The following TNPO2 variants were observed in gnomAD, a reference collection of about 807,000 sequenced individuals.
TNPO2 encodes transportin 2, also known as transportin-2.
TNPO2 carries 16 observed loss-of-function variants against 111.1 expected under a neutral mutation model. That is an observed-to-expected ratio of 0.14 (90% CI 0.10 to 0.22). The LOEUF (loss-of-function observed/expected upper bound fraction) is 0.22. TNPO2 is among the 10% of genes least tolerant of loss of function. The pLI is 1.00. For synonymous variants in TNPO2, 481 were observed against 475.8 expected (o/e 1.01, Z -0.14); for missense variants, 530 against 1,173.7 (o/e 0.45, Z 8.01).
rs1263721214 is a variant in TNPO2 at position 12,721,121 on chromosome 19, C to A, written c.-13-131G>T. ...CGGCGGACAGGCGGAGGCCTCCGAT[C>A]CACGCCCGCCCAAGTGCGGGGTCCC... On this transcript the variant is annotated intron_variant, in intron 2 of 25. Transcript: ENST00000425528. This position sits in a 1 kb window ranked among gnomAD's most constrained non-coding sequence, Gnocchi z 4.9. 3 of 1,492,454 alleles carry A rather than the reference C, an allele frequency of 2.0e-6. No homozygotes were observed. In the Admixed American group the frequency reaches 6.8e-5, roughly 34 times the overall value. 92.5% of individuals were successfully genotyped at this position (1,492,454 alleles called of 1,614,324 possible).
Position 12,705,658 on chromosome 19 carries a change from G to T in TNPO2, c.1755+24C>A. 1 of 1,557,400 alleles carries T rather than the reference G, an allele frequency of 6.4e-7. No homozygotes were observed. Among genetic ancestry groups the T allele is most frequent in the Non-Finnish European group, 8.7e-7 (1 of 1,148,116 alleles). On this transcript the variant is annotated intron_variant, in intron 16 of 25. Transcript: ENST00000425528. This position sits in a 1 kb window ranked among gnomAD's most constrained non-coding sequence, Gnocchi z 7.2. ...GGCAGGGTGGGCAGGATGGGTTTCG[G>T]GTGAGGGGCAGGAGCCCACTCACCT...
chr19:12,705,626 G>GAACTC lies in TNPO2; in HGVS notation c.1756-32_1756-28dup. 2.5e-6 allele frequency: 4 copies of GAACTC among 1,581,264 alleles called. No homozygotes were observed. The highest frequency in any genetic ancestry group is 1.7e-6 in the Non-Finnish European group (2 of 1,163,220). On this transcript the variant is annotated intron_variant, in intron 16 of 25. Coordinates refer to ENST00000425528, the MANE Select transcript of TNPO2 (RefSeq NM_001382241.1). The surrounding 1 kb of genome is among the most constrained non-coding windows in gnomAD (Gnocchi z 7.2). ...TGGCAGGGAGGAAGGCAGGTGGGGA[G>GAACTC]AACTCAGGCAGGGTGGGCAGGATGG... is the stretch of plus-strand genomic sequence containing the variant.
At position 12,705,904 on chromosome 19, in the gene TNPO2, G is replaced by A; in HGVS notation, c.1669-136C>T. 1.4e-6 allele frequency: 1 copy of A among 722,600 alleles called. No homozygotes were observed. Among genetic ancestry groups the A allele is most frequent in the Non-Finnish European group, 2.2e-6 (1 of 449,674 alleles). 44.8% of individuals were successfully genotyped at this position (722,600 alleles called of 1,614,324 possible). On this transcript the variant is annotated intron_variant, in intron 15 of 25. Coordinates refer to ENST00000425528, the MANE Select transcript of TNPO2 (RefSeq NM_001382241.1). The surrounding 1 kb of genome is among the most constrained non-coding windows in gnomAD (Gnocchi z 7.2). ...CCCTGAAAGGCCTGCCATCTGGCCA[G>A]ACCTCGAGGCCTTCATTCTTCTCAC...
At chr19:12,707,906 C>T (rs1214500828) in intron 13 of TNPO2, among the ~76,000 whole-genome samples, 5 of 151,732 alleles carry the variant, frequency 3.3e-5, no homozygotes, top group Non-Finnish European at 7.4e-5. Context: ...CTGCAACCTC[C>T]GCCTCCCTGA....
rs2025684448 is a variant in TNPO2 at position 12,706,556 on chromosome 19, G to A, written c.1496+14C>T. On this transcript the variant is annotated intron_variant, in intron 14 of 25. Coordinates refer to ENST00000425528, the MANE Select transcript of TNPO2 (RefSeq NM_001382241.1). This position sits in a 1 kb window ranked among gnomAD's most constrained non-coding sequence, Gnocchi z 7.0. ...GGGAGAGTGGGGGCTGTGGGATCAGGGGTCCAGGGTCACCTGCAGGCCGCC... is the reference window on the plus strand; with the variant it reads ...GGGAGAGTGGGGGCTGTGGGATCAGAGGTCCAGGGTCACCTGCAGGCCGCC... 3.1e-6 allele frequency: 5 copies of A among 1,613,468 alleles called. No homozygotes were observed. The African/African-American group carries it at 5.3e-5, about 17-fold the overall frequency.
In TNPO2 at chr19:12,703,028, A is replaced by G. The variant is rs919853683; in HGVS notation, c.2210-110T>C. On this transcript the variant is annotated intron_variant, in intron 20 of 25. Coordinates refer to ENST00000425528, the MANE Select transcript of TNPO2 (RefSeq NM_001382241.1). ...CCCAGTTCCAACTAGAGACTGGCCAACCACTACCAGTGAGGAAACAAAAGA... is the reference window on the plus strand; with the variant it reads ...CCCAGTTCCAACTAGAGACTGGCCAGCCACTACCAGTGAGGAAACAAAAGA... 1.7e-5 allele frequency: 16 copies of G among 926,224 alleles called. 1 individual carries two copies. In the African/African-American group the frequency reaches 2.2e-4, roughly 13 times the overall value. 57.4% of individuals were successfully genotyped at this position (926,224 alleles called of 1,614,324 possible).
At position 12,701,429 on chromosome 19, in the gene TNPO2, C is replaced by T. The variant is rs1415053752; in HGVS notation, c.2611G>A (p.Val871Ile). ...YKILHGFKDQ[V>I]GEDNWQQFSE... Reference sequence around the variant, plus strand: ...AACTGCTGCCAGTTATCTTCCCCAACTTGGTCTTTGAAGCCGTGGAGAATC... The same window carrying T: ...AACTGCTGCCAGTTATCTTCCCCAATTTGGTCTTTGAAGCCGTGGAGAATC... The change falls in exon 25 of 26, where the codon GTT (valine) becomes ATT (isoleucine). Residue 871 changes from valine (V) to isoleucine (I), a missense_variant. Physicochemically the swap from Val to Ile is conservative, Grantham distance 29. Transcript: ENST00000425528. The surrounding 1 kb of genome is among the most constrained non-coding windows in gnomAD (Gnocchi z 5.0). 4.3e-6 allele frequency: 7 copies of T among 1,613,974 alleles called. No individual in the cohort carries two copies. The highest frequency in any genetic ancestry group is 2.2e-5 in the East Asian group (1 of 44,872).
In TNPO2 at chr19:12,702,997, A is replaced by G. The variant is rs1443162183; in HGVS notation, c.2210-79T>C. ...AGGGGGCCGCCCCACCTCACTCACT[A>G]CTCGCCCCAGTTCCAACTAGAGACT... On this transcript the variant is annotated intron_variant, in intron 20 of 25. Coordinates refer to ENST00000425528, the MANE Select transcript of TNPO2 (RefSeq NM_001382241.1). The surrounding 1 kb of genome is among the most constrained non-coding windows in gnomAD (Gnocchi z 5.5). 11 of 1,293,272 alleles carry G rather than the reference A, an allele frequency of 8.5e-6. No homozygotes were observed. The highest frequency in any genetic ancestry group is 1.2e-5 in the Non-Finnish European group (11 of 904,502). The allele number at this position is 1,293,272 out of a possible 1,614,324, so 80.1% of individuals were successfully genotyped here.
rs772618567 is a variant in TNPO2, at chr19:12,706,187, G to T, written c.1668+9C>A. Reference sequence around the variant, plus strand: ...GGATCGGGAGGCGGGAGCCGCTCTGGGGTCTCACCGGCTGGTTGAGGTGGT... The same window carrying T: ...GGATCGGGAGGCGGGAGCCGCTCTGTGGTCTCACCGGCTGGTTGAGGTGGT... On this transcript the variant is annotated intron_variant, in intron 15 of 25. Coordinates refer to ENST00000425528, the MANE Select transcript of TNPO2 (RefSeq NM_001382241.1). This position sits in a 1 kb window ranked among gnomAD's most constrained non-coding sequence, Gnocchi z 7.0. The T allele has an allele frequency of 6.2e-7, 1 of 1,612,992 alleles. No individual in the cohort carries two copies. Among genetic ancestry groups the T allele is most frequent in the Non-Finnish European group, 8.5e-7 (1 of 1,179,496 alleles).
At chr19:12,709,788 A>T (rs981014295) in intron 13 of TNPO2, among the ~76,000 whole-genome samples, 11 of 151,526 alleles carry the variant, frequency 7.3e-5, no homozygotes, top group Non-Finnish European at 1.2e-4. Flanking sequence ...TGGCCTTTTT[A>T]AAAAATTTTT....
At position 12,701,281 on chromosome 19, in the gene TNPO2, T is replaced by A. The variant is rs954832117; in HGVS notation, c.*21-38A>T. On this transcript the variant is annotated intron_variant, in intron 25 of 25. Coordinates refer to ENST00000425528, the MANE Select transcript of TNPO2 (RefSeq NM_001382241.1). The surrounding 1 kb of genome is among the most constrained non-coding windows in gnomAD (Gnocchi z 5.0). ...GAGGAAGGTCATGGCCTGGGACCTT[T>A]CGGCCCCCAAGACAGTGCTGACTTG... The A allele has an allele frequency of 5.8e-5, 79 of 1,353,104 alleles. 1 individual carries two copies. In the Middle Eastern group the frequency reaches 9.3e-4, roughly 16 times the overall value. 83.8% of individuals were successfully genotyped at this position (1,353,104 alleles called of 1,614,324 possible). A position where few individuals can be genotyped will look rare whatever the true frequency, so the allele number is the denominator to read the frequency against.
intron 12 of TNPO2, 136 bp from the exon 13 acceptor site, chr19:12,710,909 T>G (rs1405945348): frequency 9.6e-7 from 1 of 1,041,178 alleles, no homozygotes; most frequent in Middle Eastern, 3.2e-4. Context: ...GTTTTGTTTT[T>G]TTGAGACGGA....
chr19:12,699,297 A>C lies in TNPO2; in HGVS notation c.*1967T>G. The C allele has an allele frequency of 2.3e-6, 1 of 439,854 alleles. No individual in the cohort carries two copies. Among genetic ancestry groups the C allele is most frequent in the Non-Finnish European group, 4.6e-6 (1 of 219,156 alleles). 27.2% of individuals were successfully genotyped at this position (439,854 alleles called of 1,614,324 possible). Reference sequence around the variant, plus strand: ...CCCAGCACAGCACAGTAACAAATGGACAGACCCGGGAGCCCGCAGGGGGAA... The same window carrying C: ...CCCAGCACAGCACAGTAACAAATGGCCAGACCCGGGAGCCCGCAGGGGGAA... On this transcript the variant is annotated 3_prime_UTR_variant, in exon 26 of 26. Transcript: ENST00000425528.
rs1260887756 is a variant in TNPO2, at chr19:12,701,307, C to A, written c.*20+19G>T. 1.9e-6 allele frequency: 3 copies of A among 1,546,488 alleles called. No homozygotes were observed. In the South Asian group the frequency reaches 3.4e-5, roughly 17 times the overall value. The stretch of plus-strand genomic sequence containing the variant: ...CGGCCCCCAAGACAGTGCTGACTTG[C>A]CAGCTGCAGTCTCCTTACCTGGCAG... On this transcript the variant is annotated intron_variant, in intron 25 of 25. Coordinates refer to ENST00000425528, the MANE Select transcript of TNPO2 (RefSeq NM_001382241.1). The surrounding 1 kb of genome is among the most constrained non-coding windows in gnomAD (Gnocchi z 5.0).
In TNPO2 at chr19:12,719,493, A is replaced by G. The variant is rs114170513; in HGVS notation, c.100-157T>C. Among the ~76,000 whole-genome samples, 2,251 of 152,158 alleles carry G rather than the reference A, an allele frequency of 0.015. 59 individuals are homozygous for G. The highest frequency in any genetic ancestry group is 0.052 in the African/African-American group (2,148 of 41,490). On this transcript the variant is annotated intron_variant, in intron 3 of 25. Transcript: ENST00000425528. This position sits in a 1 kb window ranked among gnomAD's most constrained non-coding sequence, Gnocchi z 5.0. ...CCCACAATGACACAGAGCACCTCAG[A>G]CACGTCAAATTCATATAAGGGGCCG...
intron 13 of TNPO2, 77 bp downstream of exon 13, chr19:12,710,544 G>T: frequency 6.6e-7 from 1 of 1,513,276 alleles, no homozygotes. Flanking sequence ...GAGAACTGAG[G>T]CATTGGTGTG....
intron 2 of TNPO2, 97 bp downstream of exon 2, chr19:12,723,152 A>T (rs1413676227): frequency 6.6e-6 from 1 of 152,206 alleles, no homozygotes; most frequent in African/African-American, 2.4e-5. Flanking sequence ...GATAGTTTTT[A>T]CAAGGAGATG....
At chr19:12,710,541 G>A in intron 13 of TNPO2, 80 bp downstream of exon 13, 3 of 1,505,966 alleles carry the variant, frequency 2.0e-6, no homozygotes, top group Non-Finnish European at 9.0e-7. Context: ...AGGGAGAACT[G>A]AGGCATTGGT....
chr19:12,705,576 G>T lies in TNPO2; in HGVS notation c.1779C>A (p.Ala593=). 6.2e-7 allele frequency: 1 copy of T among 1,604,830 alleles called. No individual in the cohort carries two copies. Among genetic ancestry groups the T allele is most frequent in the Non-Finnish European group, 8.5e-7 (1 of 1,176,212 alleles). ...LLECLSSVAT[A]LQSGFLPYCE... ...AGTAAGGCAGGAAGCCACTCTGCAG[G>T]GCGGTGGCCACCGATGACAGACACT... is the stretch of plus-strand genomic sequence containing the variant. The change falls in exon 17 of 26, where the codon GCC becomes GCA. Residue 593 remains alanine (A), a synonymous_variant. Coordinates refer to ENST00000425528, the MANE Select transcript of TNPO2 (RefSeq NM_001382241.1). The surrounding 1 kb of genome is among the most constrained non-coding windows in gnomAD (Gnocchi z 7.2).
Sources: allele counts gnomAD v4.1 joint callset (sites outside exome capture counted in the v4.1 genomes callset), GRCh38; gene constraint gnomAD v4.1.1; non-coding constraint Gnocchi (gnomAD v3.1); transcripts MANE v1.5; gene names NCBI Gene and HGNC (gene_info 2026-07-23, HGNC 2026-07-21).